PRODH2: variants seen among roughly 807,000 people sequenced by gnomAD.
PRODH2 encodes hydroxyproline dehydrogenase.
In PRODH2, 49 loss-of-function variants were observed where a neutral mutation model predicts 51.9. The ratio of observed to expected loss-of-function variants is 0.94; its 90% CI spans 0.75 to 1.20. The LOEUF (loss-of-function observed/expected upper bound fraction) is 1.20, where lower values mean the gene tolerates loss of function less well. PRODH2 is among the 50% of genes most tolerant of loss of function. PRODH2 has a pLI of 0.00. For synonymous variants in PRODH2, 249 were observed against 260.7 expected (o/e 0.96, Z 0.43); for missense variants, 597 against 610.9 (o/e 0.98, Z 0.24).
At chr19:35,807,310 G>T (rs984391816) in intron 4 of PRODH2, among the ~76,000 whole-genome samples, 189 bp from the exon 5 acceptor site, 1 of 152,150 alleles carries the variant, frequency 6.6e-6, no homozygotes, top group Non-Finnish European at 1.5e-5. Flanking sequence ...GTTTTTGTTT[G>T]TTTGTTTTTT....
intron 4 of PRODH2, among the ~76,000 whole-genome samples, chr19:35,809,156 CCTCT>C (rs911552686): frequency 1.3e-5 from 2 of 151,526 alleles, no homozygotes; most frequent in East Asian, 1.9e-4. Context: ...TTCCTCCCTC[CCTCT>C]CTTTCTTTCT....
intron 4 of PRODH2, among the ~76,000 whole-genome samples, chr19:35,808,336 G>A (rs150577929): frequency 0.016 from 2,381 of 152,300 alleles, 32 homozygotes; most frequent in Non-Finnish European, 0.024. Flanking sequence ...AACAGGTGGG[G>A]CTGAAAGCTT....
chr19:35,801,098 C>T (rs9749422), intron 9 of PRODH2, among the ~76,000 whole-genome samples: 39,105 of 151,678 alleles, frequency 0.26, 5,325 homozygotes, highest in South Asian at 0.38. Flanking sequence ...ACCCAGGAGG[C>T]GGAGGTTGAA....
intron 5 of PRODH2, 48 bp from the exon 6 acceptor site, chr19:35,806,878 G>T (rs781166582): frequency 6.4e-7 from 1 of 1,558,626 alleles, no homozygotes; most frequent in African/African-American, 1.4e-5. Flanking sequence ...TCCAGCAGGG[G>T]CAGTGGAGCC....
intron 9 of PRODH2, 191 bp downstream of exon 9, chr19:35,802,000 T>A (rs1322378027): frequency 5.0e-6 from 3 of 604,242 alleles, no homozygotes; most frequent in Non-Finnish European, 8.8e-6. Context: ...TAATACACCA[T>A]GATCAAGAAC....
intron 4 of PRODH2, among the ~76,000 whole-genome samples, chr19:35,809,156 CCT>C (rs911552686): frequency 6.6e-6 from 1 of 151,526 alleles, no homozygotes; most frequent in Non-Finnish European, 1.5e-5. Context: ...TTCCTCCCTC[CCT>C]CTCTTTCTTT....
chr19:35,811,396 G>C (rs2146789862), intron 4 of PRODH2, among the ~76,000 whole-genome samples: 1 of 138,536 alleles, frequency 7.2e-6, no homozygotes, highest in East Asian at 2.3e-4. Flanking sequence ...AAGAGAGAGA[G>C]AGAGAGAGAG....
chr19:35,800,563 G>C (rs377661929), intron 9 of PRODH2, among the ~76,000 whole-genome samples: 1 of 152,120 alleles, frequency 6.6e-6, no homozygotes, highest in Non-Finnish European at 1.5e-5. Flanking sequence ...GTGTTGACAG[G>C]GTATGGGCTT....
intron 4 of PRODH2, among the ~76,000 whole-genome samples, chr19:35,809,985 A>AAAC (rs1483544871): frequency 7.3e-6 from 1 of 137,848 alleles, no homozygotes; most frequent in African/African-American, 2.8e-5. Context: ...AAAAAAAAAA[A>AAAC]CGCTGGGCGT....
intron 4 of PRODH2, among the ~76,000 whole-genome samples, chr19:35,809,545 T>A (rs1370032325): frequency 6.6e-6 from 1 of 152,020 alleles, no homozygotes; most frequent in Non-Finnish European, 1.5e-5. Flanking sequence ...CACTGAGAAG[T>A]TGCTGTCACT....
intron 4 of PRODH2, 43 bp downstream of exon 4, chr19:35,811,919 T>C (rs1972616632): frequency 6.3e-7 from 1 of 1,590,218 alleles, no homozygotes; most frequent in African/African-American, 1.3e-5. Context: ...CGCATCTAAG[T>C]CCAAGGCACT....
chr19:35,808,162 T>C (rs181495035), intron 4 of PRODH2, among the ~76,000 whole-genome samples: 3 of 152,220 alleles, frequency 2.0e-5, no homozygotes, highest in African/African-American at 4.8e-5. Flanking sequence ...TGGAACAAGA[T>C]AGATGTTCAG....
chr19:35,805,580 T>C (rs1296635231), intron 7 of PRODH2, among the ~76,000 whole-genome samples: 1 of 152,070 alleles, frequency 6.6e-6, no homozygotes. Flanking sequence ...ATTTTTTGTG[T>C]TTAATGTTTT....
intron 6 of PRODH2, 35 bp from the exon 7 acceptor site, chr19:35,806,631 G>T: frequency 6.2e-7 from 1 of 1,614,026 alleles, no homozygotes; most frequent in Non-Finnish European, 8.5e-7. Flanking sequence ...GGTAGGTCAG[G>T]GTGTGGGGAC....
chr19:35,806,691 T>C lies in PRODH2; in HGVS notation c.818A>G (p.Tyr273Cys), dbSNP rs1972517453. The C allele has an allele frequency of 1.2e-6, 2 of 1,613,956 alleles. No homozygotes were observed. The highest frequency in any genetic ancestry group is 1.3e-5 in the African/African-American group (1 of 74,900). ...ACTGCACACCTTTAGACAGGCCTGG[T>C]AGGTGTTCCACACCCAGGGCCCGCC... Reference protein sequence around the residue: ...GEGGPWVWNTYQACLKDTFER... With the variant: ...GEGGPWVWNTCQACLKDTFER... Residue 273 changes from tyrosine (Y) to cysteine (C), a missense_variant, in exon 6 of 10, where the codon TAC (tyrosine) becomes TGC (cysteine). Transcript: ENST00000653904.
chr19:35,812,826 C>T lies in PRODH2; in HGVS notation c.-21G>A. The T allele has an allele frequency of 6.4e-7, 1 of 1,569,488 alleles. No homozygotes were observed. The highest frequency in any genetic ancestry group is 8.7e-7 in the Non-Finnish European group (1 of 1,153,562). On this transcript the variant is annotated 5_prime_UTR_variant, in exon 1 of 10. Coordinates refer to ENST00000653904, the MANE Select transcript of PRODH2 (RefSeq NM_021232.2). ...AGCATCCTGGGTCCCTGGCTGCCTC[C>T]ACACCAGGGAAGGTTCTCTGGAGGC... is the stretch of plus-strand genomic sequence containing the variant.
rs145110681 is a variant in PRODH2 at position 35,804,264 on chromosome 19, G to T, written c.1002-1186C>A. Among the ~76,000 whole-genome samples, 711 of 152,226 alleles carry T rather than the reference G, an allele frequency of 4.7e-3. 6 individuals are homozygous for T. Among genetic ancestry groups the T allele is most frequent in the East Asian group, 0.037 (193 of 5,170 alleles). On this transcript the variant is annotated intron_variant, in intron 7 of 9. Transcript: ENST00000653904. Reference sequence around the variant, plus strand: ...GTGCAGTGGCGTGATCTCGGCTCACGGAATCCTCCAACTCCTGGGCTCAAG... The same window carrying T: ...GTGCAGTGGCGTGATCTCGGCTCACTGAATCCTCCAACTCCTGGGCTCAAG...
rs781521523 is a variant in PRODH2 at position 35,806,582 on chromosome 19, C to A, written c.849G>T (p.Arg283=). Residue 283 remains arginine (R), a synonymous_variant, in exon 7 of 10, where the codon CGG becomes CGT. Coordinates refer to ENST00000653904, the MANE Select transcript of PRODH2 (RefSeq NM_021232.2). ...GCGCAGCCTCTGCATCCCTCCCCAG[C>A]CGCTCGAATGTGTCCTATAGGGCAC... ...YQACLKDTFE[R]LGRDAEAAHR... 29 of 1,613,986 alleles carry A rather than the reference C, an allele frequency of 1.8e-5. No homozygotes were observed. The Admixed American group carries it at 2.7e-4, about 15-fold the overall frequency.
rs368206813 is a variant in PRODH2, at chr19:35,812,277, C to T, written c.372-5G>A. ...TTCCCCTCATACCACGCCTCACTGC[C>T]CAGCCAGCAGGTGTCAGGGCCCGAA... is the stretch of plus-strand genomic sequence containing the variant. On this transcript the variant is annotated splice_polypyrimidine_tract_variant and splice_region_variant and intron_variant, in intron 2 of 9. Transcript: ENST00000653904. 7 of 1,613,182 alleles carry T rather than the reference C, an allele frequency of 4.3e-6. No individual in the cohort carries two copies. Among genetic ancestry groups the T allele is most frequent in the Non-Finnish European group, 5.9e-6 (7 of 1,179,724 alleles).
Sources: gnomAD v4.1 joint callset for allele counts (sites outside exome capture counted in the v4.1 genomes callset) on GRCh38, gnomAD v4.1.1 for gene constraint, MANE v1.5 for transcripts, NCBI Gene and HGNC (gene_info 2026-07-23, HGNC 2026-07-21) for gene names.